Variants in DRD2 observed in about 807,000 individuals in gnomAD.
DRD2 encodes the protein dopamine receptor D2.
DRD2 carries 8 observed loss-of-function variants against 38.0 expected under a neutral mutation model. The ratio of observed to expected loss-of-function variants is 0.21; its 90% CI spans 0.12 to 0.38. The LOEUF (loss-of-function observed/expected upper bound fraction) is 0.38. Among genes scored for constraint, DRD2 ranks in the 10% least tolerant of loss-of-function variants. The pLI is 1.00. For synonymous variants in DRD2, 230 were observed against 238.6 expected (o/e 0.96, Z 0.33); for missense variants, 403 against 607.7 (o/e 0.66, Z 3.54).
intron 1 of DRD2, among the ~76,000 whole-genome samples, chr11:113,435,725 G>T (rs1339736982): frequency 1.3e-5 from 2 of 151,510 alleles, no homozygotes; most frequent in African/African-American, 4.9e-5. Context: ...GCTACACAGG[G>T]TCACCTGAGC....
At chr11:113,414,300 G>T (rs775868465) in intron 6 of DRD2, 75 bp downstream of exon 6, 2 of 1,411,782 alleles carry the variant, frequency 1.4e-6, no homozygotes, top group East Asian at 2.3e-5. Context: ...AGCTTCTGAG[G>T]TCTCAGAACC....
At chr11:113,466,127 T>G (rs1324829328) in intron 1 of DRD2, among the ~76,000 whole-genome samples, 6 of 152,212 alleles carry the variant, frequency 3.9e-5, no homozygotes, top group Non-Finnish European at 8.8e-5. Context: ...TGCATTAGCC[T>G]GGTTTTTGAG....
At chr11:113,425,774 G>T (rs1427297947) in intron 1 of DRD2, among the ~76,000 whole-genome samples, 1 of 152,160 alleles carries the variant, frequency 6.6e-6, no homozygotes, top group Non-Finnish European at 1.5e-5. Flanking sequence ...TGAAGTAGAA[G>T]GAGGACTTAG....
rs1950845070 is a variant in DRD2, at chr11:113,418,147, A to G, written c.286-11T>C. 1.2e-6 allele frequency: 2 copies of G among 1,609,002 alleles called. No homozygotes were observed. The highest frequency in any genetic ancestry group is 4.5e-5 in the East Asian group (2 of 44,852). On this transcript the variant is annotated splice_polypyrimidine_tract_variant and intron_variant, in intron 2 of 7. Coordinates refer to ENST00000362072, the MANE Select transcript of DRD2 (RefSeq NM_000795.4). ...CCACTCACCTACCACCTGGGGACAA[A>G]GCAACATAATGGATGGACAGCAGGA...
chr11:113,412,964 T>C, intron 6 of DRD2, 81 bp from the exon 7 acceptor site: 2 of 1,470,394 alleles, frequency 1.4e-6, no homozygotes, highest in Non-Finnish European at 1.8e-6. Flanking sequence ...CCCCTCCCTT[T>C]CCCCCTCTGA....
At chr11:113,426,832 A>G (rs1327603065) in intron 1 of DRD2, among the ~76,000 whole-genome samples, 2 of 152,232 alleles carry the variant, frequency 1.3e-5, no homozygotes, top group Admixed American at 1.3e-4. Flanking sequence ...TGTATTCTGC[A>G]AAACCAACTG....
intron 7 of DRD2, among the ~76,000 whole-genome samples, chr11:113,412,327 T>C (rs1174760286): frequency 2.6e-5 from 4 of 152,174 alleles, no homozygotes; most frequent in South Asian, 4.1e-4. Flanking sequence ...GTTCAAACCA[T>C]GGGTCCTCTT....
chr11:113,418,154 T>A lies in DRD2; in HGVS notation c.286-18A>T, dbSNP rs550928971. 1 of 1,599,136 alleles carries A rather than the reference T, an allele frequency of 6.3e-7. No homozygotes were observed. The highest frequency in any genetic ancestry group is 1.1e-5 in the South Asian group (1 of 90,798). On this transcript the variant is annotated intron_variant, in intron 2 of 7. Coordinates refer to ENST00000362072, the MANE Select transcript of DRD2 (RefSeq NM_000795.4). ...CCTACCACCTGGGGACAAAGCAACA[T>A]AATGGATGGACAGCAGGAGTGGGAG... is the stretch of plus-strand genomic sequence containing the variant.
chr11:113,431,034 A>T (rs1384181383), intron 1 of DRD2, among the ~76,000 whole-genome samples: 3 of 152,206 alleles, frequency 2.0e-5, no homozygotes, highest in Admixed American at 6.5e-5. Flanking sequence ...TGAAAATATG[A>T]TCAACTTGCT....
At chr11:113,435,526 C>T (rs1591287460) in intron 1 of DRD2, among the ~76,000 whole-genome samples, 1 of 152,114 alleles carries the variant, frequency 6.6e-6, no homozygotes. Flanking sequence ...GGGGCTGGGG[C>T]CCCCTCCCTG....
Position 113,461,072 on chromosome 11 carries a change from G to A in DRD2, c.-32+14004C>T, listed in dbSNP as rs1438726285. ...ACATCCAGATTGGAAAGCCCAAGAG[G>A]GCAGGCTCTGAAGGCTCAGACCTGC... On this transcript the variant is annotated intron_variant, in intron 1 of 7. Transcript: ENST00000362072. Among the ~76,000 whole-genome samples, 2 of 152,210 alleles carry A rather than the reference G, an allele frequency of 1.3e-5. 1 individual carries two copies. The highest frequency in any genetic ancestry group is 4.8e-5 in the African/African-American group (2 of 41,454).
At position 113,460,722 on chromosome 11, in the gene DRD2, G is replaced by A. The variant is rs544703237; in HGVS notation, c.-32+14354C>T. On this transcript the variant is annotated intron_variant, in intron 1 of 7. Transcript: ENST00000362072. ...GATTATGGACTCCTGTGGCTGTGACGTTACCGTGGAGACAGGGTGTGGGGA... is the reference window on the plus strand; with the variant it reads ...GATTATGGACTCCTGTGGCTGTGACATTACCGTGGAGACAGGGTGTGGGGA... Among the ~76,000 whole-genome samples the A allele has an allele frequency of 1.6e-4, 25 of 152,342 alleles. No homozygotes were observed. In the East Asian group the frequency reaches 3.3e-3, roughly 20 times the overall value.
intron 1 of DRD2, among the ~76,000 whole-genome samples, chr11:113,445,795 C>T (rs112012196): frequency 9.2e-5 from 14 of 152,320 alleles, no homozygotes; most frequent in Admixed American, 2.0e-4. Flanking sequence ...ATCCTCATCA[C>T]GTCTCCATTT....
chr11:113,430,499 C>A (rs1468383796), intron 1 of DRD2, among the ~76,000 whole-genome samples: 1 of 152,166 alleles, frequency 6.6e-6, no homozygotes, highest in East Asian at 1.9e-4. Context: ...GAGTGGATAG[C>A]AATACAGGGC....
chr11:113,417,631 A>T (rs1435678233), intron 3 of DRD2, among the ~76,000 whole-genome samples: 1 of 152,188 alleles, frequency 6.6e-6, no homozygotes, highest in African/African-American at 2.4e-5. Context: ...ATAACCAGAT[A>T]CTGCAGCTCC....
In DRD2 at chr11:113,431,127, A is replaced by G. The variant is rs137897919; in HGVS notation, c.-31-6445T>C. Among the ~76,000 whole-genome samples the G allele has an allele frequency of 3.7e-4, 57 of 152,266 alleles. No homozygotes were observed. In the East Asian group the frequency reaches 0.011, roughly 29 times the overall value. On this transcript the variant is annotated intron_variant, in intron 1 of 7. Coordinates refer to ENST00000362072, the MANE Select transcript of DRD2 (RefSeq NM_000795.4). ...AAAGCTTACAAAACTCCAAATCACA[A>G]TCCCCAGTCAACAAGAACTTAGTGA...
intron 2 of DRD2, among the ~76,000 whole-genome samples, chr11:113,420,370 A>G (rs1950873936): frequency 6.6e-6 from 1 of 152,230 alleles, no homozygotes; most frequent in Non-Finnish European, 1.5e-5. Context: ...TCTGGAGCCC[A>G]GAATAACAAA....
At chr11:113,454,952 G>A (rs969092468) in intron 1 of DRD2, among the ~76,000 whole-genome samples, 5 of 152,120 alleles carry the variant, frequency 3.3e-5, no homozygotes, top group Non-Finnish European at 5.9e-5. Context: ...GAAATTGTAC[G>A]CTTGTCTCAC....
intron 2 of DRD2, among the ~76,000 whole-genome samples, chr11:113,418,499 T>C (rs961507936): frequency 6.6e-6 from 1 of 152,156 alleles, no homozygotes; most frequent in Non-Finnish European, 1.5e-5. Flanking sequence ...GACACCTATA[T>C]TGACTATATT....
Sources: allele counts gnomAD v4.1 joint callset (sites outside exome capture counted in the v4.1 genomes callset), GRCh38; gene constraint gnomAD v4.1.1; transcripts MANE v1.5; gene names NCBI Gene and HGNC (gene_info 2026-07-23, HGNC 2026-07-21).